The following PHF6 variants were observed in gnomAD, a reference collection of about 807,000 sequenced individuals.
PHF6 encodes the protein PHD finger protein 6, also known as PHD-like zinc finger protein.
PHF6 carries 7 observed loss-of-function variants against 34.0 expected under a neutral mutation model. The observed-to-expected ratio is 0.21, with a 90% CI of 0.12 to 0.39. PHF6 has a LOEUF of 0.39. PHF6 is among the 10% of genes least tolerant of loss of function. The pLI, the probability that PHF6 is intolerant of heterozygous loss-of-function variation, is 1.00. For synonymous variants in PHF6, 89 were observed against 88.4 expected, an observed-to-expected ratio of 1.01 and a Z score of -0.04; for missense variants, 128 against 262.8, an observed-to-expected ratio of 0.49 and a Z score of 3.55.
chrX:134,413,253 T>C (rs1346039319), intron 5 of PHF6, among the ~76,000 whole-genome samples: 1 of 109,987 alleles, frequency 9.1e-6, no homozygotes. Context: ...AAACCTATGG[T>C]AAAAAAAAAT....
At chrX:134,373,864 C>T (rs1293162189) in intron 1 of PHF6, among the ~76,000 whole-genome samples, 1 of 102,892 alleles carries the variant, frequency 9.7e-6, no homozygotes, top group East Asian at 3.0e-4. Flanking sequence ...TGAGGAAAAA[C>T]TCCGGGGTGG....
intron 5 of PHF6, among the ~76,000 whole-genome samples, chrX:134,402,641 T>C (rs2077407368): frequency 8.9e-6 from 1 of 111,969 alleles, no homozygotes; most frequent in East Asian, 2.8e-4. Flanking sequence ...AAACAATGGC[T>C]CAGTACAGGC....
rs780710289 is a variant in PHF6, at chrX:134,380,844, ATTGTTTTTGT to A, written c.240+2751_240+2760del. ...ACTTGATAAATAGTAGCCACCACTT[ATTGTTTTTGT>A]TTGTTTTTGTTTTTGAGATGGAGTC... On this transcript the variant is annotated intron_variant, in intron 3 of 10. Coordinates refer to ENST00000370803, the MANE Select transcript of PHF6 (RefSeq NM_001015877.2). Among the ~76,000 whole-genome samples the A allele has an allele frequency of 3.6e-5, 4 of 111,021 alleles. No homozygotes were observed. In the South Asian group the frequency reaches 1.1e-3, roughly 32 times the overall value.
At chrX:134,416,628 T>G (rs773331604) in intron 8 of PHF6, among the ~76,000 whole-genome samples, 1 of 112,121 alleles carries the variant, frequency 8.9e-6, no homozygotes, top group Non-Finnish European at 1.9e-5. Context: ...TTTCTCAAAC[T>G]TATTTGACTT....
chrX:134,408,913 C>T (rs1012629281), intron 5 of PHF6, among the ~76,000 whole-genome samples: 2 of 111,575 alleles, frequency 1.8e-5, no homozygotes, highest in Non-Finnish European at 3.8e-5. Context: ...GGGGTTTTGC[C>T]ATGTTGGCCA....
chrX:134,422,286 C>T (rs1055908982), intron 9 of PHF6, among the ~76,000 whole-genome samples: 1 of 112,199 alleles, frequency 8.9e-6, no homozygotes, highest in Non-Finnish European at 1.9e-5. Flanking sequence ...TCTATTGGTT[C>T]CTTTTTCAGA....
chrX:134,374,072 G>C (rs913770072), intron 1 of PHF6, among the ~76,000 whole-genome samples: 5 of 110,963 alleles, frequency 4.5e-5, no homozygotes, highest in Non-Finnish European at 9.4e-5. Context: ...GGGGAAGATA[G>C]TTTTGTGACT....
intron 5 of PHF6, among the ~76,000 whole-genome samples, chrX:134,396,403 G>C (rs973806946): frequency 9.0e-6 from 1 of 111,711 alleles, no homozygotes; most frequent in African/African-American, 3.3e-5. Context: ...GTGGTAGGGA[G>C]AAGTCACTGC....
intron 5 of PHF6, among the ~76,000 whole-genome samples, chrX:134,394,689 G>A (rs1488422962): frequency 2.8e-5 from 3 of 106,243 alleles, no homozygotes; most frequent in African/African-American, 6.9e-5. Context: ...ACAGGTGCCC[G>A]CCACCACGCC....
chrX:134,416,251 G>T (rs778505444), intron 8 of PHF6, among the ~76,000 whole-genome samples: 1 of 111,167 alleles, frequency 9.0e-6, no homozygotes, highest in African/African-American at 3.3e-5. Context: ...TGAGCACCCG[G>T]CTAAAAATGA....
At chrX:134,390,632 A>T (rs184134466) in intron 3 of PHF6, among the ~76,000 whole-genome samples, 1 of 112,114 alleles carries the variant, frequency 8.9e-6, no homozygotes, top group East Asian at 2.8e-4. Flanking sequence ...GAGTTTTCCT[A>T]ATTTGTTTTT....
intron 1 of PHF6, among the ~76,000 whole-genome samples, chrX:134,376,535 TC>T (rs1442491009): frequency 9.0e-6 from 1 of 111,609 alleles, no homozygotes; most frequent in African/African-American, 3.3e-5. Context: ...GTTAGAGCTT[TC>T]CTTCCCTTTT....
intron 5 of PHF6, among the ~76,000 whole-genome samples, chrX:134,410,189 G>A (rs2077444163): frequency 9.0e-6 from 1 of 111,460 alleles, no homozygotes; most frequent in Admixed American, 9.5e-5. Context: ...TAGTAGTTCC[G>A]TTTTATGTTG....
At chrX:134,393,718 G>A in intron 4 of PHF6, 84 bp downstream of exon 4, 2 of 940,209 alleles carry the variant, frequency 2.1e-6, no homozygotes, top group Non-Finnish European at 3.0e-6. Context: ...CCATTTCAAA[G>A]CATTTCATCA....
chrX:134,427,666 T>C lies in PHF6; in HGVS notation c.*2006T>C. 6.2e-6 allele frequency: 1 copy of C among 162,437 alleles called. No individual in the cohort carries two copies. Among genetic ancestry groups the C allele is most frequent in the Non-Finnish European group, 1.2e-5 (1 of 83,152 alleles). 13.4% of individuals were successfully genotyped at this position (162,437 alleles called of 1,213,427 possible). On this transcript the variant is annotated 3_prime_UTR_variant, in exon 11 of 11. Coordinates refer to ENST00000370803, the MANE Select transcript of PHF6 (RefSeq NM_001015877.2). The stretch of plus-strand genomic sequence containing the variant: ...GCCACTAGCAACCAGAATAGCACTT[T>C]ACCTTTTGGTTGGCTAGATAAGTGG...
chrX:134,388,056 A>G (rs1203021134), intron 3 of PHF6, among the ~76,000 whole-genome samples: 2 of 111,989 alleles, frequency 1.8e-5, no homozygotes, highest in African/African-American at 3.2e-5. Flanking sequence ...CCACCCTCCC[A>G]TGAAGTGGCA....
At chrX:134,386,414 ATT>A (rs35350115) in intron 3 of PHF6, among the ~76,000 whole-genome samples, 6 of 94,719 alleles carry the variant, frequency 6.3e-5, no homozygotes, top group Non-Finnish European at 4.2e-5. Context: ...TTCCCAGATG[ATT>A]TTTTTTTTTT....
chrX:134,383,797 C>T (rs2077318313), intron 3 of PHF6, among the ~76,000 whole-genome samples: 1 of 111,378 alleles, frequency 9.0e-6, no homozygotes, highest in African/African-American at 3.3e-5. Context: ...TCAGTTGACT[C>T]CCAAGCCAGA....
At chrX:134,405,913 A>G (rs940989872) in intron 5 of PHF6, among the ~76,000 whole-genome samples, 2 of 108,832 alleles carry the variant, frequency 1.8e-5, no homozygotes, top group Non-Finnish European at 3.8e-5. Flanking sequence ...GAGTTCACAA[A>G]TGACTCCGCA....
Sources: gnomAD v4.1 joint callset for allele counts (sites outside exome capture counted in the v4.1 genomes callset) on GRCh38, gnomAD v4.1.1 for gene constraint, MANE v1.5 for transcripts, NCBI Gene and HGNC (gene_info 2026-07-23, HGNC 2026-07-21) for gene names.